The following ATP8A1 variants were observed in gnomAD, a reference collection of about 807,000 sequenced individuals.
The protein encoded by ATP8A1 is phospholipid-transporting ATPase IA.
A neutral mutation model predicts 177.7 loss-of-function variants in ATP8A1; 90 were observed. That is an observed-to-expected ratio of 0.51 (90% CI 0.43 to 0.60). ATP8A1 has a LOEUF of 0.60. Among genes scored for constraint, ATP8A1 ranks in the 20% least tolerant of loss-of-function variants. ATP8A1 has a pLI of 0.00. For synonymous variants in ATP8A1, 493 were observed against 485.9 expected, an observed-to-expected ratio of 1.01 and a Z score of -0.19; for missense variants, 1,072 against 1,392.8, an observed-to-expected ratio of 0.77 and a Z score of 3.67.
chr4:42,655,372 G>A (rs1254823126), intron 1 of ATP8A1, among the ~76,000 whole-genome samples: 1 of 152,102 alleles, frequency 6.6e-6, no homozygotes, highest in Non-Finnish European at 1.5e-5. Context: ...CATGCCACAG[G>A]TTTTGCAGTG....
intron 33 of ATP8A1, among the ~76,000 whole-genome samples, chr4:42,441,668 C>G (rs1191711330): frequency 6.6e-6 from 1 of 152,100 alleles, no homozygotes. Flanking sequence ...CACATCCCAC[C>G]ACACCCACAT....
intron 33 of ATP8A1, among the ~76,000 whole-genome samples, chr4:42,428,160 A>G (rs540614231): frequency 1.3e-5 from 2 of 152,368 alleles, no homozygotes; most frequent in African/African-American, 4.8e-5. Context: ...TTCTGTTAGC[A>G]TACAAACACC....
intron 5 of ATP8A1, among the ~76,000 whole-genome samples, chr4:42,608,146 T>C (rs1735992625): frequency 6.6e-6 from 1 of 152,182 alleles, no homozygotes; most frequent in Non-Finnish European, 1.5e-5. Flanking sequence ...AACATTCTGT[T>C]AGAGAACATT....
chr4:42,521,500 G>A (rs186462020), intron 22 of ATP8A1, among the ~76,000 whole-genome samples: 22 of 152,318 alleles, frequency 1.4e-4, no homozygotes, highest in African/African-American at 5.1e-4. Context: ...CAAGATTCTT[G>A]CTATTTATAC....
intron 1 of ATP8A1, among the ~76,000 whole-genome samples, chr4:42,629,026 G>A (rs1738431428): frequency 6.6e-6 from 1 of 152,182 alleles, no homozygotes; most frequent in Admixed American, 6.5e-5. Context: ...AACGCTGCTG[G>A]GAGAGCACTG....
chr4:42,419,779 G>C (rs1452924647), intron 35 of ATP8A1, among the ~76,000 whole-genome samples: 1 of 152,192 alleles, frequency 6.6e-6, no homozygotes, highest in East Asian at 1.9e-4. Flanking sequence ...TGAGGCGGGT[G>C]GATCACGAGG....
chr4:42,651,486 T>A (rs1046460892), intron 1 of ATP8A1, among the ~76,000 whole-genome samples: 13 of 152,310 alleles, frequency 8.5e-5, no homozygotes, highest in Non-Finnish European at 1.9e-4. Flanking sequence ...GTCTCGGGTA[T>A]GTCTTTATCA....
chr4:42,651,223 G>A (rs147557973), intron 1 of ATP8A1, among the ~76,000 whole-genome samples: 2 of 152,238 alleles, frequency 1.3e-5, no homozygotes, highest in African/African-American at 4.8e-5. Flanking sequence ...AAATTGCCCA[G>A]TCTCGGTACG....
chr4:42,528,821 C>A (rs1726973245), intron 20 of ATP8A1, among the ~76,000 whole-genome samples: 2 of 152,134 alleles, frequency 1.3e-5, no homozygotes, highest in African/African-American at 4.8e-5. Context: ...AAGTAGCAAA[C>A]ACACTGGACT....
intron 33 of ATP8A1, among the ~76,000 whole-genome samples, chr4:42,425,570 GA>G (rs111766721): frequency 7.2e-5 from 11 of 152,230 alleles, no homozygotes; most frequent in Admixed American, 1.3e-4. Context: ...AAGAGGGGGG[GA>G]AAAATAAAAT....
intron 33 of ATP8A1, among the ~76,000 whole-genome samples, chr4:42,432,380 C>T (rs766769753): frequency 6.6e-6 from 1 of 152,158 alleles, no homozygotes; most frequent in African/African-American, 2.4e-5. Context: ...GCAATGCTAC[C>T]ACTGATGTAT....
chr4:42,432,273 C>G (rs944737209), intron 33 of ATP8A1, among the ~76,000 whole-genome samples: 1 of 152,124 alleles, frequency 6.6e-6, no homozygotes, highest in Admixed American at 6.5e-5. Context: ...CAAAGATACT[C>G]TAGAGTATCT....
intron 1 of ATP8A1, among the ~76,000 whole-genome samples, chr4:42,641,823 T>C (rs896871504): frequency 1.3e-5 from 2 of 152,214 alleles, no homozygotes; most frequent in African/African-American, 2.4e-5. Flanking sequence ...GGTAGATATA[T>C]GATTAGTTCC....
At chr4:42,628,590 C>A (rs1283540860) in intron 1 of ATP8A1, among the ~76,000 whole-genome samples, 1 of 151,632 alleles carries the variant, frequency 6.6e-6, no homozygotes, top group Non-Finnish European at 1.5e-5. Flanking sequence ...TCTGTCACAC[C>A]CATTTTGCAG....
At chr4:42,437,227 G>A (rs1412339983) in intron 33 of ATP8A1, among the ~76,000 whole-genome samples, 1 of 152,202 alleles carries the variant, frequency 6.6e-6, no homozygotes, top group Non-Finnish European at 1.5e-5. Flanking sequence ...AACGATCCCT[G>A]CTGTAGCTGG....
At chr4:42,497,751 A>G (rs1487862416) in intron 24 of ATP8A1, among the ~76,000 whole-genome samples, 2 of 152,244 alleles carry the variant, frequency 1.3e-5, no homozygotes, top group Non-Finnish European at 2.9e-5. Flanking sequence ...TAAATCCAGG[A>G]AAAGGAGAAC....
chr4:42,492,602 G>C (rs1169770713), intron 24 of ATP8A1, among the ~76,000 whole-genome samples: 1 of 152,192 alleles, frequency 6.6e-6, no homozygotes, highest in African/African-American at 2.4e-5. Context: ...CACCAAATCT[G>C]CTGCCACCTT....
At chr4:42,639,682 T>C (rs1739762025) in intron 1 of ATP8A1, among the ~76,000 whole-genome samples, 1 of 152,194 alleles carries the variant, frequency 6.6e-6, no homozygotes, top group Non-Finnish European at 1.5e-5. Flanking sequence ...TACAGAACTG[T>C]GAGAACCTGC....
At position 42,656,613 on chromosome 4, in the gene ATP8A1, GAACACCCA is replaced by G. The variant is rs1741653160; in HGVS notation, c.49+204_49+211del. On this transcript the variant is annotated intron_variant, in intron 1 of 36. Transcript: ENST00000381668. The stretch of plus-strand genomic sequence containing the variant: ...AAGCACGCCTCGGGGCTCCCGCGGA[GAACACCCA>G]TTCGAGGGTACTGGAGCCTGGAAAG... Among the ~76,000 whole-genome samples the G allele has an allele frequency of 3.3e-5, 5 of 152,264 alleles. No individual in the cohort carries two copies. In the South Asian group the frequency reaches 1.0e-3, roughly 32 times the overall value.
Sources: gnomAD v4.1 joint callset for allele counts (sites outside exome capture counted in the v4.1 genomes callset) on GRCh38, gnomAD v4.1.1 for gene constraint, MANE v1.5 for transcripts, NCBI Gene and HGNC (gene_info 2026-07-23, HGNC 2026-07-21) for gene names.